TCERG1L: variants seen among roughly 807,000 people sequenced by gnomAD.
The protein encoded by TCERG1L is transcription elongation regulator 1-like protein.
TCERG1L carries 37 observed loss-of-function variants against 56.3 expected under a neutral mutation model. The observed-to-expected ratio is 0.66, with a 90% CI of 0.51 to 0.87. The LOEUF is 0.87. TCERG1L is among the 40% of genes least tolerant of loss of function. TCERG1L has a pLI of 0.00. For missense variants in TCERG1L, 799 were observed against 774.2 expected (o/e 1.03, Z -0.38); for synonymous variants, 324 against 326.3 (o/e 0.99, Z 0.08).
chr10:131,191,788 CCT>C (rs1845303941), intron 4 of TCERG1L, among the ~76,000 whole-genome samples: 1 of 125,316 alleles, frequency 8.0e-6, no homozygotes, highest in Admixed American at 9.2e-5. Flanking sequence ...TAGCGTGAAC[CCT>C]GGAGGCAGAG....
intron 9 of TCERG1L, among the ~76,000 whole-genome samples, chr10:131,115,858 C>T (rs1053422883): frequency 2.0e-5 from 3 of 152,166 alleles, no homozygotes; most frequent in Non-Finnish European, 4.4e-5. Flanking sequence ...GGGTTCTGCT[C>T]AGACCTCTCT....
chr10:131,093,398 G>GAGCA, intron 11 of TCERG1L, 80 bp from the exon 12 acceptor site: 2 of 1,530,978 alleles, frequency 1.3e-6, no homozygotes, highest in Admixed American at 3.8e-5. Context: ...GGCACCGCCT[G>GAGCA]AGCAAGCATC....
Position 131,308,398 on chromosome 10 carries a change from A to G in TCERG1L, c.490-7T>C. 1 of 1,611,650 alleles carries G rather than the reference A, an allele frequency of 6.2e-7. No individual in the cohort carries two copies. The highest frequency in any genetic ancestry group is 8.5e-7 in the Non-Finnish European group (1 of 1,178,516). On this transcript the variant is annotated splice_region_variant and splice_polypyrimidine_tract_variant and intron_variant, in intron 2 of 11. Transcript: ENST00000368642. ...AGGAATTATTAAAAAAGATCTGTCG[A>G]AAAATAATGCAAGCATAACACTGAA...
intron 4 of TCERG1L, among the ~76,000 whole-genome samples, chr10:131,234,012 G>A (rs1001979809): frequency 3.9e-5 from 6 of 152,090 alleles, no homozygotes; most frequent in Admixed American, 1.3e-4. Context: ...CTTCCCCTTT[G>A]ACCTTCTGCC....
intron 11 of TCERG1L, among the ~76,000 whole-genome samples, chr10:131,096,818 G>A (rs1396140421): frequency 2.0e-5 from 3 of 151,590 alleles, no homozygotes; most frequent in South Asian, 2.1e-4. Context: ...CCCAGGAGGC[G>A]GAGCTTGCAG....
At chr10:131,190,735 T>C (rs1197420705) in intron 4 of TCERG1L, among the ~76,000 whole-genome samples, 1 of 143,728 alleles carries the variant, frequency 7.0e-6, no homozygotes, top group Non-Finnish European at 1.5e-5. Context: ...ATAAAAGCCA[T>C]ATGTGACAGA....
At chr10:131,112,827 C>T (rs1475252132) in intron 9 of TCERG1L, among the ~76,000 whole-genome samples, 1 of 142,378 alleles carries the variant, frequency 7.0e-6, no homozygotes, top group African/African-American at 2.5e-5. Flanking sequence ...GGAAGGTGCC[C>T]AAATTTGCCG....
At chr10:131,148,315 GACAC>G (rs1045012186) in intron 6 of TCERG1L, among the ~76,000 whole-genome samples, 1 of 151,988 alleles carries the variant, frequency 6.6e-6, no homozygotes, top group African/African-American at 2.4e-5. Flanking sequence ...CACTCTCAGA[GACAC>G]ACACAAACAC....
chr10:131,256,624 G>A (rs1439142657), intron 4 of TCERG1L, among the ~76,000 whole-genome samples: 2 of 152,090 alleles, frequency 1.3e-5, no homozygotes, highest in East Asian at 3.9e-4. Context: ...AGTGACTCAC[G>A]CCTCTAATCC....
chr10:131,200,383 C>A (rs1845418457), intron 4 of TCERG1L, among the ~76,000 whole-genome samples: 2 of 152,312 alleles, frequency 1.3e-5, no homozygotes, highest in South Asian at 4.1e-4. Context: ...GAGGGCCCAA[C>A]CCCTGCTCCT....
intron 8 of TCERG1L, among the ~76,000 whole-genome samples, chr10:131,120,083 G>C (rs776090147): frequency 6.6e-6 from 1 of 152,136 alleles, no homozygotes; most frequent in South Asian, 2.1e-4. Context: ...CCCCTAAGCA[G>C]GGGTGCTCTC....
intron 11 of TCERG1L, among the ~76,000 whole-genome samples, chr10:131,096,117 A>T (rs1325425802): frequency 6.6e-6 from 1 of 152,108 alleles, no homozygotes; most frequent in African/African-American, 2.4e-5. Context: ...CCTCCTCGTC[A>T]CTTTCTGAGG....
chr10:131,148,541 GACAC>G (rs753105433), intron 6 of TCERG1L, among the ~76,000 whole-genome samples: 3 of 150,456 alleles, frequency 2.0e-5, no homozygotes, highest in African/African-American at 7.4e-5. Flanking sequence ...CATGCACAGA[GACAC>G]ACACATGCAG....
intron 3 of TCERG1L, among the ~76,000 whole-genome samples, chr10:131,272,620 C>T (rs1351683143): frequency 6.6e-6 from 1 of 152,180 alleles, no homozygotes; most frequent in Non-Finnish European, 1.5e-5. Flanking sequence ...CTGTGTGGAG[C>T]CTCACCTGGC....
intron 3 of TCERG1L, among the ~76,000 whole-genome samples, chr10:131,269,894 T>C (rs950911016): frequency 3.3e-5 from 5 of 152,168 alleles, no homozygotes; most frequent in African/African-American, 1.2e-4. Flanking sequence ...GAAGTGTGCC[T>C]GTGCCTACTG....
In TCERG1L at chr10:131,111,669, T is replaced by TGTA. The variant is rs1845414874; in HGVS notation, c.1395+5129_1395+5130insTAC. 2.8e-5 allele frequency among the ~76,000 whole-genome samples: 4 copies of TGTA among 142,968 alleles called. 1 individual carries two copies. 93.8% of individuals were successfully genotyped at this position (142,968 alleles called of 152,430 possible). A position where few individuals can be genotyped will look rare whatever the true frequency, so the allele number is the denominator to read the frequency against. On this transcript the variant is annotated intron_variant, in intron 9 of 11. Coordinates refer to ENST00000368642, the MANE Select transcript of TCERG1L (RefSeq NM_174937.4). ...ACGGTCACGATTTCCTCGCACAGCC[T>TGTA]GACCTTCCCCTCGTCCACGCCCCGT...
At chr10:131,265,980 C>T (rs1846281106) in intron 3 of TCERG1L, among the ~76,000 whole-genome samples, 2 of 152,258 alleles carry the variant, frequency 1.3e-5, no homozygotes, top group African/African-American at 4.8e-5. Flanking sequence ...ATTTTAGCCG[C>T]AGTAGAACTT....
intron 4 of TCERG1L, among the ~76,000 whole-genome samples, chr10:131,209,548 A>G (rs1040249131): frequency 6.6e-6 from 1 of 152,222 alleles, no homozygotes; most frequent in Non-Finnish European, 1.5e-5. Context: ...TTTTGCCACA[A>G]AGTAAATGTC....
chr10:131,263,466 C>T (rs964466543), intron 3 of TCERG1L, among the ~76,000 whole-genome samples: 2 of 152,182 alleles, frequency 1.3e-5, no homozygotes, highest in African/African-American at 2.4e-5. Context: ...ATCACAATCA[C>T]ACCACATCTG....
Sources: allele counts gnomAD v4.1 joint callset (sites outside exome capture counted in the v4.1 genomes callset), GRCh38; gene constraint gnomAD v4.1.1; transcripts MANE v1.5; gene names NCBI Gene and HGNC (gene_info 2026-07-23, HGNC 2026-07-21).